The following GRIK2 variants were observed in gnomAD, a reference collection of about 807,000 sequenced individuals.
The protein encoded by GRIK2 is glutamate ionotropic receptor kainate type subunit 2.
A neutral mutation model predicts 100.3 loss-of-function variants in GRIK2; 32 were observed. That is an observed-to-expected ratio of 0.32 (90% CI 0.24 to 0.43). GRIK2 has a LOEUF of 0.43. GRIK2 is among the 20% of genes least tolerant of loss of function. The pLI is 1.00. For missense variants in GRIK2, 843 were observed against 1,114.9 expected, an observed-to-expected ratio of 0.76 and a Z score of 3.47; for synonymous variants, 417 against 389.4, an observed-to-expected ratio of 1.07 and a Z score of -0.83.
intron 14 of GRIK2, among the ~76,000 whole-genome samples, chr6:101,996,348 T>G (rs1357174147): frequency 6.6e-6 from 1 of 152,072 alleles, no homozygotes; most frequent in East Asian, 1.9e-4. Context: ...GTCAGGATAT[T>G]TCAAACGGTG....
chr6:101,972,614 A>T (rs1793119970), intron 14 of GRIK2, among the ~76,000 whole-genome samples: 1 of 145,818 alleles, frequency 6.9e-6, no homozygotes, highest in Non-Finnish European at 1.5e-5. Context: ...GCTTTTGGGG[A>T]CTTGGCCAAA....
rs535425521 is a variant in GRIK2, at chr6:101,836,845, T to C, written c.1317+18362T>C. 9.9e-5 allele frequency among the ~76,000 whole-genome samples: 15 copies of C among 151,560 alleles called. 1 individual carries two copies. The highest frequency in any genetic ancestry group is 6.8e-3 in the Middle Eastern group (2 of 294). On this transcript the variant is annotated intron_variant, in intron 10 of 16. Transcript: ENST00000369134. ...CACGCCTGGCTAATTTTTGTATTTT[T>C]AGTAGAGATGGGGTTTCACCATATT...
chr6:101,970,055 C>G (rs1392360182), intron 14 of GRIK2, among the ~76,000 whole-genome samples: 2 of 151,992 alleles, frequency 1.3e-5, no homozygotes, highest in African/African-American at 2.4e-5. Context: ...AAATCACATG[C>G]CTATTTTTAT....
chr6:101,769,041 T>G (rs1157023493), intron 7 of GRIK2, among the ~76,000 whole-genome samples: 2 of 152,226 alleles, frequency 1.3e-5, no homozygotes, highest in African/African-American at 4.8e-5. Context: ...ATTATTGCTC[T>G]GATTTTTTTA....
rs531159875 is a variant in GRIK2, at chr6:101,790,464, T to C, written c.952-9184T>C. Among the ~76,000 whole-genome samples the C allele has an allele frequency of 1.3e-4, 19 of 151,656 alleles. No individual in the cohort carries two copies. In the East Asian group the frequency reaches 3.7e-3, roughly 29 times the overall value. On this transcript the variant is annotated intron_variant, in intron 7 of 16. Coordinates refer to ENST00000369134, the MANE Select transcript of GRIK2 (RefSeq NM_021956.5). Reference sequence around the variant, plus strand: ...GCTTTTTCTGCATCTATTGAGATAATCATGTGGTTTTTGTCTTTGGCTCTG... The same window carrying C: ...GCTTTTTCTGCATCTATTGAGATAACCATGTGGTTTTTGTCTTTGGCTCTG...
intron 7 of GRIK2, among the ~76,000 whole-genome samples, chr6:101,760,225 T>A (rs1233222794): frequency 6.9e-6 from 1 of 145,976 alleles, no homozygotes; most frequent in Non-Finnish European, 1.5e-5. Context: ...CATTGTTGAG[T>A]GATGAAATAC....
At chr6:101,589,506 A>T (rs1199729851) in intron 2 of GRIK2, among the ~76,000 whole-genome samples, 1 of 152,080 alleles carries the variant, frequency 6.6e-6, no homozygotes, top group Admixed American at 6.6e-5. Flanking sequence ...TTCTACATCT[A>T]TGAGATCAAC....
At chr6:102,024,036 G>A (rs1769566537) in intron 14 of GRIK2, among the ~76,000 whole-genome samples, 1 of 151,188 alleles carries the variant, frequency 6.6e-6, no homozygotes, top group South Asian at 2.1e-4. Context: ...AAATCATAGA[G>A]CAGGAAAGTT....
rs1461525012 is a variant in GRIK2 at position 101,924,681 on chromosome 6, A to G, written c.1829A>G (p.Asn610Ser). Residue 610 changes from asparagine (N) to serine (S), a missense_variant, in exon 13 of 17, where the codon AAT becomes AGT. Around this residue, in one of 3 missense-constraint regions of GRIK2, gnomAD observed 237 missense variants for 388.0 expected, o/e 0.61. Coordinates refer to ENST00000369134, the MANE Select transcript of GRIK2 (RefSeq NM_021956.5). ...GTGGAAAACAATTTTACCTTGCTAA[A>G]TAGTTTCTGGTTTGGAGTTGGAGCT... ...DVVENNFTLL[N>S]SFWFGVGALM... is the part of the protein sequence containing the mutation. The G allele has an allele frequency of 6.2e-7, 1 of 1,612,202 alleles. No individual in the cohort carries two copies.
intron 14 of GRIK2, among the ~76,000 whole-genome samples, chr6:101,994,846 T>C (rs1794566522): frequency 6.6e-6 from 1 of 151,864 alleles, no homozygotes; most frequent in African/African-American, 2.4e-5. Context: ...AGGGCAACCA[T>C]AACTATAGCT....
At chr6:101,875,267 A>T (rs1785742490) in intron 11 of GRIK2, among the ~76,000 whole-genome samples, 1 of 151,890 alleles carries the variant, frequency 6.6e-6, no homozygotes, top group Admixed American at 6.6e-5. Flanking sequence ...AAGCCAATTT[A>T]CAAATCGGTG....
Position 101,981,531 on chromosome 6 carries a change from G to T in GRIK2, c.2085+52899G>T, listed in dbSNP as rs77231491. Among the ~76,000 whole-genome samples the T allele has an allele frequency of 3.9e-5, 6 of 151,984 alleles. No homozygotes were observed. The East Asian group carries it at 1.2e-3, about 30-fold the overall frequency. On this transcript the variant is annotated intron_variant, in intron 14 of 16. Coordinates refer to ENST00000369134, the MANE Select transcript of GRIK2 (RefSeq NM_021956.5). ...GAGATAAATTATCTTTTAATTCAAA[G>T]ATTTTACAATTTAGTAAAGGTTTCA... is the stretch of plus-strand genomic sequence containing the variant.
intron 4 of GRIK2, among the ~76,000 whole-genome samples, chr6:101,631,488 G>T (rs923642301): frequency 5.3e-5 from 8 of 152,100 alleles, no homozygotes; most frequent in African/African-American, 1.9e-4. Context: ...AATGCACTAT[G>T]AATTGACATT....
chr6:101,597,637 A>T (rs965445207), intron 2 of GRIK2, among the ~76,000 whole-genome samples: 4 of 151,732 alleles, frequency 2.6e-5, no homozygotes, highest in Non-Finnish European at 5.9e-5. Context: ...TGAATGAATT[A>T]ATTTAGAACT....
chr6:101,620,801 T>G (rs1347423002), intron 2 of GRIK2, among the ~76,000 whole-genome samples: 1 of 152,118 alleles, frequency 6.6e-6, no homozygotes, highest in Non-Finnish European at 1.5e-5. Flanking sequence ...CACCTTTTAT[T>G]TCATTATTCA....
intron 2 of GRIK2, among the ~76,000 whole-genome samples, chr6:101,503,166 C>T (rs1273845632): frequency 1.3e-5 from 2 of 152,038 alleles, no homozygotes; most frequent in African/African-American, 2.4e-5. Context: ...AAGTCAAATA[C>T]CTTAAGTGTT....
intron 2 of GRIK2, among the ~76,000 whole-genome samples, chr6:101,459,081 G>A (rs752334081): frequency 1.8e-4 from 25 of 142,734 alleles, no homozygotes; most frequent in Admixed American, 5.8e-4. Flanking sequence ...TTATTTAGGC[G>A]CTAAAGCTAA....
chr6:101,567,938 C>T (rs1169028786), intron 2 of GRIK2, among the ~76,000 whole-genome samples: 1 of 151,782 alleles, frequency 6.6e-6, no homozygotes, highest in East Asian at 1.9e-4. Flanking sequence ...TAATATGCCA[C>T]TTGTAGATGT....
chr6:101,739,304 T>A (rs1221818047), intron 7 of GRIK2, among the ~76,000 whole-genome samples: 2 of 152,234 alleles, frequency 1.3e-5, no homozygotes, highest in East Asian at 3.8e-4. Flanking sequence ...GGAGGGTATA[T>A]TTATTTAAAA....
Sources: gnomAD v4.1 joint callset for allele counts (sites outside exome capture counted in the v4.1 genomes callset) on GRCh38, gnomAD v4.1.1 for gene constraint, gnomAD v4.1.1 regional missense constraint, MANE v1.5 for transcripts, NCBI Gene and HGNC (gene_info 2026-07-23, HGNC 2026-07-21) for gene names.